HHAT: variants seen among roughly 807,000 people sequenced by gnomAD.
HHAT encodes the protein protein-cysteine N-palmitoyltransferase HHAT.
Under a neutral mutation model 70.8 loss-of-function variants are expected in HHAT, and 47 were observed. The ratio of observed to expected loss-of-function variants is 0.66; its 90% CI spans 0.53 to 0.85. The LOEUF is 0.85. Ranked by LOEUF, HHAT falls within the 40% of genes least tolerant of loss-of-function variation. HHAT has a pLI of 0.00. For synonymous variants in HHAT, 228 were observed against 247.6 expected (o/e 0.92, Z 0.74); for missense variants, 609 against 604.8 (o/e 1.01, Z -0.07).
chr1:210,627,357 C>G (rs1259607898), intron 11 of HHAT, among the ~76,000 whole-genome samples: 1 of 152,150 alleles, frequency 6.6e-6, no homozygotes, highest in East Asian at 1.9e-4. Flanking sequence ...TCTCATGATT[C>G]GCCTGGAAAA....
intron 10 of HHAT, among the ~76,000 whole-genome samples, chr1:210,594,892 A>C (rs1573589563): frequency 1.3e-5 from 2 of 152,288 alleles, no homozygotes; most frequent in East Asian, 1.9e-4. Flanking sequence ...TTTCCATTGA[A>C]AAATCTTCTG....
At chr1:210,405,575 C>T (rs1436512298) in intron 6 of HHAT, among the ~76,000 whole-genome samples, 3 of 152,138 alleles carry the variant, frequency 2.0e-5, no homozygotes, top group Admixed American at 6.5e-5. Context: ...GCAGGGCAAG[C>T]AGCAGTGTTG....
upstream of HHAT, among the ~76,000 whole-genome samples, chr1:210,327,515 TA>T (rs1341502214): frequency 1.3e-5 from 2 of 152,188 alleles, no homozygotes; most frequent in African/African-American, 4.8e-5. Context: ...ATTATTTACT[TA>T]TTTTTTTGAG....
intron 9 of HHAT, among the ~76,000 whole-genome samples, chr1:210,562,455 A>G (rs1446402603): frequency 6.6e-6 from 1 of 151,712 alleles, no homozygotes; most frequent in Non-Finnish European, 1.5e-5. Flanking sequence ...GCCATTCATG[A>G]TTTGGAGAGA....
At chr1:210,500,451 C>T (rs1006085927) in intron 8 of HHAT, among the ~76,000 whole-genome samples, 1 of 152,146 alleles carries the variant, frequency 6.6e-6, no homozygotes, top group African/African-American at 2.4e-5. Flanking sequence ...CAGAAGTCAA[C>T]CCTTAGAAGC....
chr1:210,538,362 G>A (rs1015238635), intron 9 of HHAT, among the ~76,000 whole-genome samples: 1 of 152,066 alleles, frequency 6.6e-6, no homozygotes, highest in Non-Finnish European at 1.5e-5. Flanking sequence ...CAGAGGAAAA[G>A]CAGGCCTGTG....
chr1:210,654,430 A>C (rs944887266), intron 11 of HHAT, among the ~76,000 whole-genome samples: 3 of 152,174 alleles, frequency 2.0e-5, no homozygotes, highest in African/African-American at 4.8e-5. Flanking sequence ...CTGTCATCCC[A>C]TGTGCCCTGG....
chr1:210,425,976 A>G (rs896970506), intron 7 of HHAT, among the ~76,000 whole-genome samples: 17 of 152,242 alleles, frequency 1.1e-4, no homozygotes, highest in African/African-American at 3.6e-4. Context: ...ATCCATGAGC[A>G]TGGAATGTTC....
At chr1:210,665,549 G>A (rs1678711376) in intron 11 of HHAT, among the ~76,000 whole-genome samples, 1 of 152,218 alleles carries the variant, frequency 6.6e-6, no homozygotes, top group Non-Finnish European at 1.5e-5. Context: ...CAGTGGATGA[G>A]CCAGAGGGAC....
intron 8 of HHAT, among the ~76,000 whole-genome samples, chr1:210,476,373 A>G (rs992093485): frequency 6.6e-6 from 1 of 152,230 alleles, no homozygotes; most frequent in Non-Finnish European, 1.5e-5. Context: ...ACAAACTGTA[A>G]TTACCTGCAG....
chr1:210,483,870 A>G (rs536525343), intron 8 of HHAT, among the ~76,000 whole-genome samples: 13 of 152,342 alleles, frequency 8.5e-5, no homozygotes, highest in African/African-American at 2.9e-4. Context: ...AAATCTTTCT[A>G]TAAGGATAAA....
intron 8 of HHAT, among the ~76,000 whole-genome samples, chr1:210,465,163 A>T (rs2148442111): frequency 6.6e-6 from 1 of 152,344 alleles, no homozygotes; most frequent in East Asian, 1.9e-4. Flanking sequence ...AACCTAATGC[A>T]TGTAGAGCAG....
At chr1:210,489,795 T>A (rs1217615263) in intron 8 of HHAT, among the ~76,000 whole-genome samples, 2 of 152,196 alleles carry the variant, frequency 1.3e-5, no homozygotes, top group African/African-American at 4.8e-5. Context: ...GATACATGCC[T>A]TTAGTGAAAG....
chr1:210,383,380 C>T (rs2090801826), intron 3 of HHAT, among the ~76,000 whole-genome samples: 1 of 152,134 alleles, frequency 6.6e-6, no homozygotes, highest in Non-Finnish European at 1.5e-5. Context: ...AAGAAAAAAA[C>T]CCAAAACTTA....
intron 11 of HHAT, among the ~76,000 whole-genome samples, chr1:210,660,749 G>A (rs1193064367): frequency 6.6e-6 from 1 of 152,050 alleles, no homozygotes; most frequent in Non-Finnish European, 1.5e-5. Context: ...AGACACCTCA[G>A]AAATAACACC....
intron 9 of HHAT, among the ~76,000 whole-genome samples, chr1:210,567,099 A>C (rs1654950937): frequency 6.6e-6 from 1 of 152,202 alleles, no homozygotes; most frequent in African/African-American, 2.4e-5. Flanking sequence ...GGTGGCAACC[A>C]AACAGAGGAT....
intron 11 of HHAT, among the ~76,000 whole-genome samples, chr1:210,624,196 T>G (rs1048018496): frequency 6.6e-6 from 1 of 152,130 alleles, no homozygotes; most frequent in African/African-American, 2.4e-5. Flanking sequence ...GATAGGATGC[T>G]CAGCCTCCTC....
At chr1:210,608,113 T>TC in intron 10 of HHAT, among the ~76,000 whole-genome samples, 1 of 152,316 alleles carries the variant, frequency 6.6e-6, no homozygotes, top group Non-Finnish European at 1.5e-5. Context: ...TCTATTTTTT[T>TC]CTCTTGCAAA....
At chr1:210,624,520 G>A (rs908231148) in intron 11 of HHAT, among the ~76,000 whole-genome samples, 3 of 152,088 alleles carry the variant, frequency 2.0e-5, no homozygotes, top group African/African-American at 7.2e-5. Context: ...TGTGGGCATG[G>A]CATCTGTGTT....
Sources: allele counts gnomAD v4.1 joint callset (sites outside exome capture counted in the v4.1 genomes callset), GRCh38; gene constraint gnomAD v4.1.1; transcripts MANE v1.5; gene names NCBI Gene and HGNC (gene_info 2026-07-23, HGNC 2026-07-21).